IMPA2: variants seen among roughly 807,000 people sequenced by gnomAD.
IMPA2 encodes IMP 2.
Under a neutral mutation model 35.1 loss-of-function variants are expected in IMPA2, and 32 were observed. That is an observed-to-expected ratio of 0.91 (90% CI 0.69 to 1.23). IMPA2 has a LOEUF of 1.23. Among genes scored for constraint, IMPA2 ranks in the 50% most tolerant of loss-of-function variants. IMPA2 has a pLI of 0.00. For synonymous variants in IMPA2, 135 were observed against 160.6 expected, an observed-to-expected ratio of 0.84 and a Z score of 1.20; for missense variants, 334 against 387.6, an observed-to-expected ratio of 0.86 and a Z score of 1.16.
intron 4 of IMPA2, 63 bp downstream of exon 4, chr18:12,012,278 C>G: frequency 7.1e-7 from 1 of 1,401,458 alleles, no homozygotes; most frequent in Non-Finnish European, 1.0e-6. Context: ...TCCTTCCTTT[C>G]TGGCTTCAGC....
At chr18:12,000,759 G>A (rs1907093821) in intron 2 of IMPA2, among the ~76,000 whole-genome samples, 1 of 151,140 alleles carries the variant, frequency 6.6e-6, no homozygotes, top group Admixed American at 6.6e-5. Context: ...GGGACTACAG[G>A]TGCCCGCCAC....
intron 1 of IMPA2, among the ~76,000 whole-genome samples, chr18:11,984,738 T>C (rs1020644321): frequency 1.0e-4 from 15 of 150,068 alleles, no homozygotes; most frequent in African/African-American, 1.7e-4. Flanking sequence ...GAGGCCGAGG[T>C]GGGCAGATCA....
chr18:11,992,462 C>A (rs1027456415), intron 1 of IMPA2, among the ~76,000 whole-genome samples: 5 of 152,208 alleles, frequency 3.3e-5, no homozygotes, highest in African/African-American at 1.2e-4. Context: ...AGCACAAGAA[C>A]AAGATGGGGT....
intron 1 of IMPA2, among the ~76,000 whole-genome samples, chr18:11,994,532 T>G (rs918461019): frequency 5.3e-5 from 8 of 152,144 alleles, no homozygotes; most frequent in African/African-American, 1.7e-4. Context: ...AGCACCCGCC[T>G]CCTCCACACA....
At chr18:12,006,591 C>T (rs1261745643) in intron 2 of IMPA2, among the ~76,000 whole-genome samples, 1 of 152,198 alleles carries the variant, frequency 6.6e-6, no homozygotes, top group African/African-American at 2.4e-5. Flanking sequence ...CTTCTTGGCT[C>T]AGAAGCCCCT....
chr18:12,007,822 G>A lies in IMPA2; in HGVS notation c.231-2061G>A, dbSNP rs372495117. ...GATGGAATCTCACTCTTGTCACCCC[G>A]GCTGGAGTGCAATGGCATGATCTCG... On this transcript the variant is annotated intron_variant, in intron 2 of 7. Transcript: ENST00000269159. Among the ~76,000 whole-genome samples, 66 of 148,598 alleles carry A rather than the reference G, an allele frequency of 4.4e-4. No homozygotes were observed. In the South Asian group the frequency reaches 0.012, roughly 27 times the overall value.
intron 1 of IMPA2, among the ~76,000 whole-genome samples, chr18:11,985,118 G>C (rs1332229471): frequency 5.8e-5 from 8 of 137,050 alleles, no homozygotes; most frequent in Admixed American, 1.5e-4. Context: ...CTGCACTCCA[G>C]CCTGGGTGAT....
At chr18:12,028,800 C>A in intron 6 of IMPA2, 42 bp from the exon 7 acceptor site, 1 of 1,596,948 alleles carries the variant, frequency 6.3e-7, no homozygotes, top group Admixed American at 1.7e-5. Context: ...ACAGAAAAGG[C>A]TCCACTCCCG....
chr18:11,997,509 C>T (rs1906993877), intron 1 of IMPA2, among the ~76,000 whole-genome samples: 1 of 152,066 alleles, frequency 6.6e-6, no homozygotes, highest in Non-Finnish European at 1.5e-5. Flanking sequence ...AAGATTAAAA[C>T]AAAAACTGCC....
In IMPA2 at chr18:11,991,582, T is replaced by G. The variant is rs966499972; in HGVS notation, c.97-7472T>G. Among the ~76,000 whole-genome samples the G allele has an allele frequency of 5.9e-5, 9 of 151,672 alleles. No individual in the cohort carries two copies. The highest frequency in any genetic ancestry group is 2.2e-4 in the African/African-American group (9 of 41,302). On this transcript the variant is annotated intron_variant, in intron 1 of 7. Transcript: ENST00000269159. The surrounding 1 kb of genome is among the most constrained non-coding windows in gnomAD (Gnocchi z 4.1). ...AGAAACAGGACCGGCAGGAGGTGGG[T>G]GGGTCCAGTCTGCAGGGTGGGCTGG...
intron 1 of IMPA2, among the ~76,000 whole-genome samples, chr18:11,990,325 C>T (rs185684957): frequency 2.4e-4 from 37 of 151,380 alleles, no homozygotes; most frequent in African/African-American, 8.0e-4. Flanking sequence ...GGACAGCTTC[C>T]TGGAAGAAGT....
chr18:12,000,040 A>G (rs948479676), intron 2 of IMPA2, among the ~76,000 whole-genome samples: 4 of 152,298 alleles, frequency 2.6e-5, no homozygotes, highest in African/African-American at 9.6e-5. Context: ...CAGTTATTGG[A>G]TTTCTGGCTG....
At chr18:11,997,948 G>A (rs1005866559) in intron 1 of IMPA2, among the ~76,000 whole-genome samples, 1 of 152,086 alleles carries the variant, frequency 6.6e-6, no homozygotes, top group Non-Finnish European at 1.5e-5. Flanking sequence ...TGGGAGGATC[G>A]CTTGAGCCCA....
At chr18:11,985,485 A>C (rs1385418951) in intron 1 of IMPA2, among the ~76,000 whole-genome samples, 1 of 152,246 alleles carries the variant, frequency 6.6e-6, no homozygotes, top group African/African-American at 2.4e-5. Flanking sequence ...TTAGGCTTCA[A>C]ACTTGTTACT....
Position 11,982,750 on chromosome 18 carries a change from G to A in IMPA2, c.96+985G>A, listed in dbSNP as rs1054262757. Reference sequence around the variant, plus strand: ...GAAGGTTGCAGTGAGCTGAGATCGCGCCATTGCACACCAGCCTGGGCAACA... The same window carrying A: ...GAAGGTTGCAGTGAGCTGAGATCGCACCATTGCACACCAGCCTGGGCAACA... On this transcript the variant is annotated intron_variant, in intron 1 of 7. Transcript: ENST00000269159. 2.7e-5 allele frequency among the ~76,000 whole-genome samples: 4 copies of A among 149,698 alleles called. No homozygotes were observed. The East Asian group carries it at 5.9e-4, about 22-fold the overall frequency.
rs1908020908 is a variant in IMPA2 at position 12,030,533 on chromosome 18, C to T, written c.*75C>T. The T allele has an allele frequency of 2.5e-6, 3 of 1,177,224 alleles. No homozygotes were observed. The highest frequency in any genetic ancestry group is 3.5e-5 in the Admixed American group (2 of 56,500). 72.9% of individuals were successfully genotyped at this position (1,177,224 alleles called of 1,614,324 possible). A position where few individuals can be genotyped will look rare whatever the true frequency, so the allele number is the denominator to read the frequency against. ...CTCCTGGGGAGGTGGCCCTCGTGGC[C>T]CACGCTCCATGCCAGTGGCTCACGC... On this transcript the variant is annotated 3_prime_UTR_variant, in exon 8 of 8. Coordinates refer to ENST00000269159, the MANE Select transcript of IMPA2 (RefSeq NM_014214.3).
chr18:12,005,894 C>G (rs1212285162), intron 2 of IMPA2, among the ~76,000 whole-genome samples: 2 of 152,218 alleles, frequency 1.3e-5, no homozygotes, highest in Admixed American at 6.5e-5. Flanking sequence ...ATTGCACATT[C>G]CTCCTCAGTT....
rs1201609372 is a variant in IMPA2, at chr18:12,000,586, C to T, written c.230+1399C>T. Among the ~76,000 whole-genome samples the T allele has an allele frequency of 3.4e-5, 5 of 149,228 alleles. No individual in the cohort carries two copies. The Admixed American group carries it at 3.4e-4, about 10-fold the overall frequency. ...AGGTCAGGATCCCAAGAATTGGTTACAGTAGTTATAGGGTGTAAAGTGTTT... is the reference window on the plus strand; with the variant it reads ...AGGTCAGGATCCCAAGAATTGGTTATAGTAGTTATAGGGTGTAAAGTGTTT... On this transcript the variant is annotated intron_variant, in intron 2 of 7. Transcript: ENST00000269159.
At chr18:11,984,946 C>T (rs1161096999) in intron 1 of IMPA2, among the ~76,000 whole-genome samples, 3 of 136,756 alleles carry the variant, frequency 2.2e-5, no homozygotes, top group East Asian at 2.1e-4. Flanking sequence ...CCAGCCTGAG[C>T]GACAGAGCAA....
Sources: allele counts gnomAD v4.1 joint callset (sites outside exome capture counted in the v4.1 genomes callset), GRCh38; gene constraint gnomAD v4.1.1; non-coding constraint Gnocchi (gnomAD v3.1); transcripts MANE v1.5; gene names NCBI Gene and HGNC (gene_info 2026-07-23, HGNC 2026-07-21).